Variants in CPE observed in about 807,000 individuals in gnomAD.
The protein encoded by CPE is carbocypeptidase E.
In CPE, 17 loss-of-function variants were observed where a neutral mutation model predicts 53.5. The ratio of observed to expected loss-of-function variants is 0.32; its 90% CI spans 0.22 to 0.48. The LOEUF is 0.48. Among genes scored for constraint, CPE ranks in the 20% least tolerant of loss-of-function variants. The pLI is 0.99. For missense variants in CPE, 524 were observed against 614.7 expected (o/e 0.85, Z 1.56); for synonymous variants, 226 against 228.8 (o/e 0.99, Z 0.11).
intron 1 of CPE, chr4:165,415,128 C>T (rs1560874826): frequency 6.0e-6 from 1 of 166,690 alleles, no homozygotes; most frequent in Non-Finnish European, 1.5e-5. Context: ...TGCCGGTCTC[C>T]AGAATATCTC....
At chr4:165,457,316 G>T (rs1579270390) in intron 1 of CPE, among the ~76,000 whole-genome samples, 1 of 152,304 alleles carries the variant, frequency 6.6e-6, no homozygotes, top group Non-Finnish European at 1.5e-5. Context: ...ACAAATTAGA[G>T]CTGAGTGTGA....
chr4:165,467,972 A>AC, intron 3 of CPE, 117 bp downstream of exon 3: 1 of 1,175,866 alleles, frequency 8.5e-7, no homozygotes, highest in African/African-American at 1.6e-5. Context: ...GGGGTGGTTA[A>AC]CTGTGGCTTT....
At chr4:165,455,536 A>T (rs1418477067) in intron 1 of CPE, among the ~76,000 whole-genome samples, 2 of 152,252 alleles carry the variant, frequency 1.3e-5, no homozygotes, top group Non-Finnish European at 1.5e-5. Flanking sequence ...GGTGATTAAT[A>T]TCTACAGAAA....
intron 1 of CPE, among the ~76,000 whole-genome samples, chr4:165,410,822 C>CTGTG (rs3073916): frequency 5.6e-4 from 85 of 150,542 alleles, no homozygotes; most frequent in Admixed American, 2.2e-3. Flanking sequence ...GGCAGAAAGA[C>CTGTG]TGTGTGTGTG....
intron 1 of CPE, among the ~76,000 whole-genome samples, chr4:165,382,315 A>G (rs1353102021): frequency 6.6e-6 from 1 of 152,256 alleles, no homozygotes; most frequent in East Asian, 1.9e-4. Context: ...GCTGGTATAG[A>G]TATCTGTCTT....
At chr4:165,384,427 T>C (rs1032112575) in intron 1 of CPE, among the ~76,000 whole-genome samples, 8 of 152,180 alleles carry the variant, frequency 5.3e-5, no homozygotes, top group Non-Finnish European at 1.2e-4. Flanking sequence ...GTTTGAGATC[T>C]GCCTAGGCAA....
In CPE at chr4:165,442,288, C is replaced by T. The variant is rs1731628515; in HGVS notation, c.308-22102C>T. The stretch of plus-strand genomic sequence containing the variant: ...TGAACTCCTCGGTTCAAGTGATCCT[C>T]CTGCCTCAGCCTCTCAAAGTGTTGG... On this transcript the variant is annotated intron_variant, in intron 1 of 8. Transcript: ENST00000402744. Among the ~76,000 whole-genome samples the T allele has an allele frequency of 3.3e-5, 5 of 152,092 alleles. 1 individual carries two copies. The South Asian group carries it at 1.0e-3, about 31-fold the overall frequency.
At chr4:165,495,180 T>C (rs1158685016) in intron 7 of CPE, among the ~76,000 whole-genome samples, 1 of 152,208 alleles carries the variant, frequency 6.6e-6, no homozygotes, top group African/African-American at 2.4e-5. Context: ...TCTGTGAAGA[T>C]TCTCTGACCA....
intron 1 of CPE, among the ~76,000 whole-genome samples, chr4:165,410,020 G>C (rs947533746): frequency 1.3e-5 from 2 of 152,050 alleles, no homozygotes; most frequent in Non-Finnish European, 1.5e-5. Context: ...GGCCGAGGTG[G>C]GTGGATCACC....
At chr4:165,433,381 C>A (rs1731444248) in intron 1 of CPE, among the ~76,000 whole-genome samples, 1 of 152,036 alleles carries the variant, frequency 6.6e-6, no homozygotes, top group South Asian at 2.1e-4. Flanking sequence ...TGATTTTTAG[C>A]CTGGTCTCTC....
chr4:165,410,329 G>A (rs1256175845), intron 1 of CPE, among the ~76,000 whole-genome samples: 3 of 151,420 alleles, frequency 2.0e-5, no homozygotes, highest in Admixed American at 1.3e-4. Context: ...TAAAAAAATC[G>A]TTGAATTACA....
chr4:165,441,176 G>A (rs1340018596), intron 1 of CPE, among the ~76,000 whole-genome samples: 2 of 152,086 alleles, frequency 1.3e-5, no homozygotes, highest in African/African-American at 2.4e-5. Context: ...AGAATTAATC[G>A]TCGAGACCCC....
At chr4:165,392,883 A>G (rs1200527320) in intron 1 of CPE, among the ~76,000 whole-genome samples, 1 of 139,554 alleles carries the variant, frequency 7.2e-6, no homozygotes, top group Non-Finnish European at 1.6e-5. Flanking sequence ...ACATATATAA[A>G]TAATATATAT....
intron 4 of CPE, among the ~76,000 whole-genome samples, chr4:165,483,268 G>A (rs1226685257): frequency 3.9e-5 from 6 of 151,994 alleles, no homozygotes; most frequent in African/African-American, 7.2e-5. Context: ...GAATTATTTC[G>A]CTCCAGATAA....
intron 1 of CPE, among the ~76,000 whole-genome samples, chr4:165,437,262 A>C (rs952751487): frequency 2.0e-5 from 3 of 152,240 alleles, no homozygotes; most frequent in Non-Finnish European, 1.5e-5. Context: ...AGTGAAGAAG[A>C]AAATCATGAT....
intron 8 of CPE, among the ~76,000 whole-genome samples, chr4:165,496,420 T>G (rs1328728120): frequency 6.6e-6 from 1 of 152,200 alleles, no homozygotes; most frequent in Non-Finnish European, 1.5e-5. Flanking sequence ...TGTATATGTA[T>G]TAAAATCAAG....
chr4:165,463,340 G>A (rs1160765253), intron 1 of CPE, among the ~76,000 whole-genome samples: 3 of 152,062 alleles, frequency 2.0e-5, no homozygotes, highest in Admixed American at 2.0e-4. Context: ...GAAACATATA[G>A]CACTTGCTAT....
chr4:165,440,477 G>T, intron 1 of CPE, among the ~76,000 whole-genome samples: 1 of 138,808 alleles, frequency 7.2e-6, no homozygotes, highest in African/African-American at 3.0e-5. Context: ...CACACAAGCT[G>T]TGGTTTCTGG....
At position 165,495,646 on chromosome 4, in the gene CPE, A is replaced by C; in HGVS notation, c.1301A>C (p.Lys434Thr). ...CCAGGCTATCTGGCAATAACAAAGA[A>C]AGTGGCAGTTCCTTACAGCCCTGCT... The part of the protein sequence containing the change: ...SAPGYLAITK[K>T]VAVPYSPAAG... The change falls in exon 8 of 9, where the codon AAA becomes ACA. Residue 434 changes from lysine (K) to threonine (T), a missense_variant. Coordinates refer to ENST00000402744, the MANE Select transcript of CPE (RefSeq NM_001873.4). The C allele has an allele frequency of 6.2e-7, 1 of 1,613,820 alleles. No individual in the cohort carries two copies. Among genetic ancestry groups the C allele is most frequent in the East Asian group, 2.2e-5 (1 of 44,844 alleles).
Sources: allele counts gnomAD v4.1 joint callset (sites outside exome capture counted in the v4.1 genomes callset), GRCh38; gene constraint gnomAD v4.1.1; transcripts MANE v1.5; gene names NCBI Gene and HGNC (gene_info 2026-07-23, HGNC 2026-07-21).